The following GALNT13 variants were observed in gnomAD, a reference collection of about 807,000 sequenced individuals.
GALNT13 encodes the protein polypeptide N-acetylgalactosaminyltransferase 13.
In GALNT13, 28 loss-of-function variants were observed where a neutral mutation model predicts 64.2. The observed-to-expected ratio is 0.44, with a 90% CI of 0.32 to 0.60. The LOEUF (loss-of-function observed/expected upper bound fraction) is 0.60, where lower values mean the gene tolerates loss of function less well. Among genes scored for constraint, GALNT13 ranks in the 20% least tolerant of loss-of-function variants. The pLI is 0.05. For synonymous variants in GALNT13, 214 were observed against 224.6 expected, an observed-to-expected ratio of 0.95 and a Z score of 0.42; for missense variants, 577 against 669.8, an observed-to-expected ratio of 0.86 and a Z score of 1.53.
chr2:153,994,927 A>T (rs1574288275), intron 3 of GALNT13, among the ~76,000 whole-genome samples: 1 of 152,010 alleles, frequency 6.6e-6, no homozygotes, highest in East Asian at 1.9e-4. Flanking sequence ...GTTTAGTTAG[A>T]TCCTATAACT....
chr2:153,879,680 G>C (rs1204199838), intron 1 of GALNT13, among the ~76,000 whole-genome samples: 1 of 151,842 alleles, frequency 6.6e-6, no homozygotes, highest in Non-Finnish European at 1.5e-5. Context: ...GCCGTGCTTT[G>C]AGCCACAAAA....
At chr2:153,252,792 C>T in the GALNT13 span, among the ~76,000 whole-genome samples, 1 of 152,100 alleles carries the variant, frequency 6.6e-6, no homozygotes. Flanking sequence ...AGATATGTGG[C>T]ATTATTTCTG....
intron 4 of GALNT13, among the ~76,000 whole-genome samples, chr2:154,186,105 A>T (rs1040236295): frequency 2.0e-5 from 3 of 152,088 alleles, no homozygotes; most frequent in African/African-American, 7.2e-5. Flanking sequence ...AAGGTGAATG[A>T]TACAAGTATT....
At chr2:154,386,876 G>A (rs1698538762) in intron 9 of GALNT13, among the ~76,000 whole-genome samples, 1 of 152,050 alleles carries the variant, frequency 6.6e-6, no homozygotes, top group Admixed American at 6.6e-5. Context: ...TAATTGCCTA[G>A]AAAACTCAGC....
chr2:153,724,965 C>G, the GALNT13 span, among the ~76,000 whole-genome samples: 12 of 151,478 alleles, frequency 7.9e-5, 1 homozygote, highest in East Asian at 2.3e-3. Context: ...GGTATATACC[C>G]AAATGACTAT....
intron 3 of GALNT13, 124 bp downstream of exon 3, chr2:153,944,763 C>G (rs577080544): frequency 1.4e-6 from 1 of 717,538 alleles, no homozygotes; most frequent in African/African-American, 1.8e-5. Flanking sequence ...TTTGGCAGCA[C>G]TATTAATGCA....
At chr2:154,052,724 A>C (rs547543647) in intron 3 of GALNT13, among the ~76,000 whole-genome samples, 1 of 148,936 alleles carries the variant, frequency 6.7e-6, no homozygotes, top group African/African-American at 2.5e-5. Flanking sequence ...TCACTTTACT[A>C]CAGAATTGAC....
At chr2:153,568,462 A>T in the GALNT13 span, among the ~76,000 whole-genome samples, 1 of 152,206 alleles carries the variant, frequency 6.6e-6, no homozygotes, top group Non-Finnish European at 1.5e-5. Context: ...ACTGTTACTT[A>T]CTTACATACA....
chr2:154,394,002 C>T (rs952771606), intron 9 of GALNT13, among the ~76,000 whole-genome samples: 1 of 121,632 alleles, frequency 8.2e-6, no homozygotes, highest in Admixed American at 1.1e-4. Context: ...GGCGTGAACC[C>T]GGGAGGCGGA....
At chr2:154,389,283 C>A (rs1698666517) in intron 9 of GALNT13, among the ~76,000 whole-genome samples, 1 of 151,904 alleles carries the variant, frequency 6.6e-6, no homozygotes, top group South Asian at 2.1e-4. Flanking sequence ...TTACAGGCAC[C>A]CACCACAACT....
chr2:153,444,654 A>T, the GALNT13 span, among the ~76,000 whole-genome samples: 23 of 152,316 alleles, frequency 1.5e-4, no homozygotes, highest in African/African-American at 5.1e-4. Context: ...ATATTAGATA[A>T]TTTCGCCCTT....
At chr2:153,775,305 CA>C in the GALNT13 span, among the ~76,000 whole-genome samples, 1 of 152,178 alleles carries the variant, frequency 6.6e-6, no homozygotes, top group African/African-American at 2.4e-5. Context: ...GAAGCAAAAC[CA>C]AGTCAAATAT....
chr2:153,572,027 G>A, the GALNT13 span, among the ~76,000 whole-genome samples: 1 of 151,650 alleles, frequency 6.6e-6, no homozygotes, highest in Non-Finnish European at 1.5e-5. Flanking sequence ...GTTAATATTA[G>A]TTCTCTTTAA....
intron 9 of GALNT13, among the ~76,000 whole-genome samples, chr2:154,337,669 T>A (rs1336311951): frequency 6.6e-6 from 1 of 152,118 alleles, no homozygotes; most frequent in Non-Finnish European, 1.5e-5. Context: ...GCAATGTATT[T>A]TACATTTTTC....
At chr2:153,553,239 G>GGTGGCTCACACC in the GALNT13 span, among the ~76,000 whole-genome samples, 1 of 152,042 alleles carries the variant, frequency 6.6e-6, no homozygotes, top group Non-Finnish European at 1.5e-5. Context: ...TTGGCCACAT[G>GGTGGCTCACACC]TGTAATCCCA....
At chr2:154,021,188 T>C (rs1375054149) in intron 3 of GALNT13, among the ~76,000 whole-genome samples, 1 of 152,198 alleles carries the variant, frequency 6.6e-6, no homozygotes, top group Non-Finnish European at 1.5e-5. Flanking sequence ...ATGCGGGCTC[T>C]TTTTTGGTTC....
the GALNT13 span, among the ~76,000 whole-genome samples, chr2:153,395,120 T>C: frequency 6.6e-6 from 1 of 152,312 alleles, no homozygotes; most frequent in South Asian, 2.1e-4. Context: ...TCTCATTTCT[T>C]TCTAGTCCAC....
the GALNT13 span, among the ~76,000 whole-genome samples, chr2:153,273,611 G>A: frequency 2.6e-5 from 4 of 152,202 alleles, no homozygotes; most frequent in East Asian, 5.8e-4. Context: ...GAAGAGTCAT[G>A]ATTTGTGAAG....
intron 4 of GALNT13, among the ~76,000 whole-genome samples, chr2:154,171,971 T>TA (rs1553488918): frequency 6.9e-6 from 1 of 144,218 alleles, no homozygotes; most frequent in Non-Finnish European, 1.5e-5. Context: ...TTCTTTCTCA[T>TA]ACACACACAC....
Sources: allele counts gnomAD v4.1 joint callset (sites outside exome capture counted in the v4.1 genomes callset), GRCh38; gene constraint gnomAD v4.1.1; transcripts MANE v1.5; gene names NCBI Gene and HGNC (gene_info 2026-07-23, HGNC 2026-07-21).